The following PCBP3 variants were observed in gnomAD, a reference collection of about 807,000 sequenced individuals.
PCBP3 encodes poly(rC)-binding protein 3.
PCBP3 carries 25 observed loss-of-function variants against 52.7 expected under a neutral mutation model. The observed-to-expected ratio is 0.47, with a 90% CI of 0.35 to 0.66. The LOEUF is 0.66. Among genes scored for constraint, PCBP3 ranks in the 30% least tolerant of loss-of-function variants. The probability of loss-of-function intolerance (pLI) is 0.01; values close to 1 mark genes in which losing one functional copy is unlikely to be tolerated. For missense variants in PCBP3, 391 were observed against 490.3 expected (o/e 0.80, Z 1.91); for synonymous variants, 162 against 183.0 (o/e 0.89, Z 0.93).
At chr21:45,874,505 CTTTTTTT>C (rs551716964) in intron 5 of PCBP3, among the ~76,000 whole-genome samples, 2 of 134,014 alleles carry the variant, frequency 1.5e-5, no homozygotes, top group Non-Finnish European at 3.2e-5. Flanking sequence ...TTCTTCTTTT[CTTTTTTT>C]TTTTTTTTTT....
chr21:45,766,869 A>G (rs2089381342), intron 4 of PCBP3, among the ~76,000 whole-genome samples: 3 of 152,204 alleles, frequency 2.0e-5, no homozygotes, highest in African/African-American at 7.2e-5. Flanking sequence ...TCTTTAAAAA[A>G]AGAAAAAACC....
In PCBP3 at chr21:45,821,540, C is replaced by T. The variant is rs2093138658; in HGVS notation, c.-125-28421C>T. ...TAACTCATTTCTAGAATACTCTTCC[C>T]TGCCTGCACCCTGCTGTGGGCCCCG... On this transcript the variant is annotated intron_variant, in intron 4 of 17. Transcript: ENST00000681687. The surrounding 1 kb of genome is among the most constrained non-coding windows in gnomAD (Gnocchi z 4.4). Among the ~76,000 whole-genome samples the T allele has an allele frequency of 6.6e-6, 1 of 151,740 alleles. No homozygotes were observed. The highest frequency in any genetic ancestry group is 2.1e-4 in the South Asian group (1 of 4,798).
chr21:45,848,955 C>G (rs966206020), intron 4 of PCBP3, among the ~76,000 whole-genome samples: 8 of 152,170 alleles, frequency 5.3e-5, no homozygotes, highest in Non-Finnish European at 1.5e-5. Context: ...ACAGGTGTTT[C>G]TAGCTGGGAA....
At chr21:45,838,259 C>G (rs1162449828) in intron 4 of PCBP3, among the ~76,000 whole-genome samples, 2 of 152,176 alleles carry the variant, frequency 1.3e-5, no homozygotes, top group Non-Finnish European at 2.9e-5. Flanking sequence ...AGTTTTTGGG[C>G]TCCCCTCGCT....
At chr21:45,887,806 G>A (rs769282451) in intron 5 of PCBP3, among the ~76,000 whole-genome samples, 3 of 152,196 alleles carry the variant, frequency 2.0e-5, no homozygotes, top group Non-Finnish European at 2.9e-5. Flanking sequence ...CAACTACTAC[G>A]CACTCCCTAA....
chr21:45,822,754 G>T (rs1344916996), intron 4 of PCBP3, among the ~76,000 whole-genome samples: 1 of 152,170 alleles, frequency 6.6e-6, no homozygotes, highest in Non-Finnish European at 1.5e-5. Context: ...CACCCATCTT[G>T]GTTGTGAGTT....
intron 4 of PCBP3, among the ~76,000 whole-genome samples, chr21:45,814,853 G>A (rs1237046247): frequency 7.7e-6 from 1 of 129,184 alleles, no homozygotes; most frequent in Non-Finnish European, 1.6e-5. Context: ...TGAGTGAGTG[G>A]TGAGTGATGA....
chr21:45,914,333 C>T (rs372478113), intron 12 of PCBP3: 31 of 513,292 alleles, frequency 6.0e-5, no homozygotes, highest in East Asian at 4.7e-4. Flanking sequence ...AGATAGCCGG[C>T]GCGCAGGCGC....
At chr21:45,694,474 A>T (rs58925015) in intron 2 of PCBP3, among the ~76,000 whole-genome samples, 26,229 of 152,158 alleles carry the variant, frequency 0.17, 2,386 homozygotes, top group Middle Eastern at 0.32. Flanking sequence ...CCAGAGAAAA[A>T]GAAGGTCATT....
chr21:45,814,702 AGTG>A (rs1160720673), intron 4 of PCBP3, among the ~76,000 whole-genome samples: 2 of 101,824 alleles, frequency 2.0e-5, no homozygotes, highest in African/African-American at 3.9e-5. Context: ...GTGAGTGATG[AGTG>A]GTGAGTGATG....
chr21:45,895,895 C>A (rs923262896), intron 5 of PCBP3, among the ~76,000 whole-genome samples: 3 of 152,262 alleles, frequency 2.0e-5, no homozygotes, highest in African/African-American at 7.2e-5. Flanking sequence ...GTAGCTCCTG[C>A]CAGTCTCCGG....
At chr21:45,881,006 T>C (rs1474129305) in intron 5 of PCBP3, among the ~76,000 whole-genome samples, 1 of 152,214 alleles carries the variant, frequency 6.6e-6, no homozygotes, top group Non-Finnish European at 1.5e-5. Flanking sequence ...CAAGTGCTCC[T>C]GAGTGGACAT....
At chr21:45,803,548 G>A (rs1473833645) in intron 4 of PCBP3, among the ~76,000 whole-genome samples, 1 of 152,146 alleles carries the variant, frequency 6.6e-6, no homozygotes, top group Non-Finnish European at 1.5e-5. Context: ...GGAAAAAGCC[G>A]TGGTGGTTTT....
intron 4 of PCBP3, among the ~76,000 whole-genome samples, chr21:45,826,458 G>A (rs1035336348): frequency 2.6e-5 from 4 of 152,184 alleles, no homozygotes; most frequent in Admixed American, 2.0e-4. Context: ...TCTAAACTCT[G>A]ATTTCACGCA....
At chr21:45,935,511 A>G (rs1462117482) in intron 16 of PCBP3, 1 of 681,926 alleles carries the variant, frequency 1.5e-6, no homozygotes, top group Admixed American at 2.0e-5. Flanking sequence ...TTACATCCCT[A>G]AGATGTTGAA....
intron 4 of PCBP3, among the ~76,000 whole-genome samples, chr21:45,840,456 C>CA (rs36059363): frequency 0.05 from 4,348 of 87,770 alleles, 222 homozygotes; most frequent in East Asian, 0.15. Flanking sequence ...GACCCTGTCT[C>CA]AAAAAAAAAA....
At chr21:45,879,285 A>G (rs1482751642) in intron 5 of PCBP3, among the ~76,000 whole-genome samples, 1 of 152,244 alleles carries the variant, frequency 6.6e-6, no homozygotes, top group African/African-American at 2.4e-5. Flanking sequence ...GCGCCTGGCC[A>G]AGGAAATAGA....
At chr21:45,799,720 C>T (rs538067562) in intron 4 of PCBP3, among the ~76,000 whole-genome samples, 14 of 152,178 alleles carry the variant, frequency 9.2e-5, no homozygotes, top group East Asian at 7.8e-4. Context: ...GCCAGGCACG[C>T]GTCCACGGCA....
At chr21:45,822,189 G>A (rs2093160249) in intron 4 of PCBP3, among the ~76,000 whole-genome samples, 1 of 152,148 alleles carries the variant, frequency 6.6e-6, no homozygotes, top group Non-Finnish European at 1.5e-5. Context: ...GGAGAAGCTG[G>A]CAGGACTCCT....
Sources: allele counts gnomAD v4.1 joint callset (sites outside exome capture counted in the v4.1 genomes callset), GRCh38; gene constraint gnomAD v4.1.1; non-coding constraint Gnocchi (gnomAD v3.1); transcripts MANE v1.5; gene names NCBI Gene and HGNC (gene_info 2026-07-23, HGNC 2026-07-21).